Variants in CD38 observed in about 807,000 individuals in gnomAD.
CD38 encodes the protein ADP-ribosyl cyclase/cyclic ADP-ribose hydrolase 1.
Under a neutral mutation model 36.3 loss-of-function variants are expected in CD38, and 31 were observed. That is an observed-to-expected ratio of 0.85 (90% CI 0.64 to 1.15). CD38 has a LOEUF of 1.15. CD38 is among the 50% of genes most tolerant of loss of function. CD38 has a pLI of 0.00. For missense variants in CD38, 380 were observed against 371.9 expected (o/e 1.02, Z -0.18); for synonymous variants, 131 against 135.2 (o/e 0.97, Z 0.22).
chr4:15,848,178 T>C (rs6813018), intron 7 of CD38, among the ~76,000 whole-genome samples: 6,080 of 152,308 alleles, frequency 0.04, 391 homozygotes, highest in African/African-American at 0.13. Context: ...TAGGTACTTA[T>C]CTAAGGTTTG....
intron 1 of CD38, among the ~76,000 whole-genome samples, chr4:15,785,301 C>T (rs1722790993): frequency 6.6e-6 from 1 of 152,114 alleles, no homozygotes; most frequent in Non-Finnish European, 1.5e-5. Context: ...CTTCTTGAAG[C>T]AAAGGCTGTT....
chr4:15,835,813 G>A (rs1724057807), intron 4 of CD38, among the ~76,000 whole-genome samples: 1 of 152,150 alleles, frequency 6.6e-6, no homozygotes, highest in Non-Finnish European at 1.5e-5. Flanking sequence ...CACCTGGCCA[G>A]GAATACATTT....
chr4:15,823,591 C>T (rs1041940504), intron 2 of CD38, among the ~76,000 whole-genome samples: 1 of 152,208 alleles, frequency 6.6e-6, no homozygotes, highest in African/African-American at 2.4e-5. Flanking sequence ...CATCACTGGT[C>T]ATTAGAGAAA....
At chr4:15,787,078 G>A (rs541397863) in intron 1 of CD38, among the ~76,000 whole-genome samples, 39 of 152,210 alleles carry the variant, frequency 2.6e-4, no homozygotes, top group Non-Finnish European at 4.1e-4. Flanking sequence ...TGGCCCACGA[G>A]CGCCTCTCTC....
rs576691908 is a variant in CD38 at position 15,829,663 on chromosome 4, A to G, written c.500-4554A>G. ...AAAATTGTTATTGACTACAGTCACC[A>G]TACTGTGCTATCAAATAATAGGTCT... is the stretch of plus-strand genomic sequence containing the variant. On this transcript the variant is annotated intron_variant, in intron 3 of 7. Coordinates refer to ENST00000226279, the MANE Select transcript of CD38 (RefSeq NM_001775.4). Among the ~76,000 whole-genome samples the G allele has an allele frequency of 3.9e-5, 6 of 152,266 alleles. No homozygotes were observed. The South Asian group carries it at 1.2e-3, about 32-fold the overall frequency.
At chr4:15,805,606 T>C (rs1286738191) in intron 1 of CD38, among the ~76,000 whole-genome samples, 2 of 152,248 alleles carry the variant, frequency 1.3e-5, no homozygotes, top group African/African-American at 4.8e-5. Flanking sequence ...ACCTGTGTTT[T>C]GTTCACTGAT....
rs139855063 is a variant in CD38 at position 15,794,364 on chromosome 4, T to G, written c.233+15717T>G. The stretch of plus-strand genomic sequence containing the variant: ...CCCTGGCAGATAAGGGAGACTACTG[T>G]TTTAGTGGAGATGTTGACCAGAAGA... On this transcript the variant is annotated intron_variant, in intron 1 of 7. Coordinates refer to ENST00000226279, the MANE Select transcript of CD38 (RefSeq NM_001775.4). 3.5e-3 allele frequency among the ~76,000 whole-genome samples: 539 copies of G among 152,218 alleles called. 2 individuals are homozygous for G. The highest frequency in any genetic ancestry group is 0.012 in the African/African-American group (515 of 41,526).
At chr4:15,807,368 T>C (rs1389994456) in intron 1 of CD38, among the ~76,000 whole-genome samples, 1 of 152,154 alleles carries the variant, frequency 6.6e-6, no homozygotes, top group Non-Finnish European at 1.5e-5. Context: ...GATAAAAGGA[T>C]GTTTGGCTAT....
At position 15,848,744 on chromosome 4, in the gene CD38, T is replaced by A. The variant is rs532802770; in HGVS notation, c.*142T>A. 1.8e-6 allele frequency: 1 copy of A among 571,242 alleles called. No homozygotes were observed. The highest frequency in any genetic ancestry group is 1.9e-5 in the African/African-American group (1 of 53,912). The allele number at this position is 571,242 out of a possible 1,614,324, so 35.4% of individuals were successfully genotyped here. A position where few individuals can be genotyped will look rare whatever the true frequency, so the allele number is the denominator to read the frequency against. On this transcript the variant is annotated 3_prime_UTR_variant, in exon 8 of 8. Transcript: ENST00000226279. Reference sequence around the variant, plus strand: ...TCAATGCCAGAGACGGAAGCCTTTTTCCCCAAAGTCTTAAAATAACTTATA... The same window carrying A: ...TCAATGCCAGAGACGGAAGCCTTTTACCCCAAAGTCTTAAAATAACTTATA...
chr4:15,796,811 C>T (rs1468367290), intron 1 of CD38, among the ~76,000 whole-genome samples: 2 of 151,996 alleles, frequency 1.3e-5, no homozygotes, highest in African/African-American at 4.8e-5. Context: ...ATCAGTGTAG[C>T]TTTGTTTCAT....
At chr4:15,793,883 G>C (rs1723057487) in intron 1 of CD38, among the ~76,000 whole-genome samples, 1 of 152,230 alleles carries the variant, frequency 6.6e-6, no homozygotes, top group Non-Finnish European at 1.5e-5. Context: ...TTTTGGGGCA[G>C]AGGTACTGAA....
rs187138675 is a variant in CD38, at chr4:15,797,958, G to C, written c.234-18553G>C. Among the ~76,000 whole-genome samples the C allele has an allele frequency of 3.5e-4, 54 of 152,234 alleles. 1 individual carries two copies. Among genetic ancestry groups the C allele is most frequent in the Admixed American group, 2.0e-3 (30 of 15,288 alleles). On this transcript the variant is annotated intron_variant, in intron 1 of 7. Coordinates refer to ENST00000226279, the MANE Select transcript of CD38 (RefSeq NM_001775.4). ...GGTGTTAGGATTTCAACATCGTTTG[G>C]GGGGGTAAAATTCAATCAATAACAA... is the stretch of plus-strand genomic sequence containing the variant.
chr4:15,781,287 C>T (rs1029664149), intron 1 of CD38, among the ~76,000 whole-genome samples: 3 of 152,132 alleles, frequency 2.0e-5, no homozygotes, highest in Non-Finnish European at 2.9e-5. Flanking sequence ...TAACAATTTC[C>T]CCCAAGTCCA....
At chr4:15,826,222 A>C (rs937082688) in intron 3 of CD38, 2 of 152,178 alleles carry the variant, frequency 1.3e-5, no homozygotes, top group African/African-American at 4.8e-5. Context: ...TCAAAGGGTA[A>C]CTATTATCAG....
Position 15,838,117 on chromosome 4 carries a change from T to C in CD38, c.611T>C (p.Val204Ala). The C allele has an allele frequency of 6.2e-7, 1 of 1,613,836 alleles. No homozygotes were observed. Among genetic ancestry groups the C allele is most frequent in the Non-Finnish European group, 8.5e-7 (1 of 1,179,874 alleles). Residue 204 changes from valine (V) to alanine (A), a missense_variant, in exon 5 of 8, where the codon GTC (valine) becomes GCC (alanine). Coordinates refer to ENST00000226279, the MANE Select transcript of CD38 (RefSeq NM_001775.4). ...RRFAEAACDV[V>A]HVMLNGSRSK... ...TTTGCAGAAGCTGCCTGTGATGTGG[T>C]CCATGTGATGCTCAATGGATCCCGC...
intron 1 of CD38, among the ~76,000 whole-genome samples, chr4:15,805,253 C>T (rs778419453): frequency 1.4e-4 from 21 of 152,082 alleles, no homozygotes; most frequent in Non-Finnish European, 2.8e-4. Context: ...TAGTTAAGGT[C>T]CAGTTTGTTA....
chr4:15,806,506 G>T (rs749486658), intron 1 of CD38, among the ~76,000 whole-genome samples: 8 of 152,202 alleles, frequency 5.3e-5, no homozygotes, highest in Non-Finnish European at 1.2e-4. Context: ...ACTAGTATGA[G>T]ATTTAAATGG....
At chr4:15,800,689 T>A (rs995452568) in intron 1 of CD38, among the ~76,000 whole-genome samples, 4 of 152,028 alleles carry the variant, frequency 2.6e-5, no homozygotes, top group Admixed American at 1.3e-4. Flanking sequence ...AATGGGTCAA[T>A]GAAGAAATTA....
At chr4:15,790,911 T>G (rs1172247742) in intron 1 of CD38, among the ~76,000 whole-genome samples, 1 of 135,928 alleles carries the variant, frequency 7.4e-6, no homozygotes, top group East Asian at 2.4e-4. Context: ...GGCCGCCCCG[T>G]CTGAGAGGTG....
Sources: allele counts gnomAD v4.1 joint callset (sites outside exome capture counted in the v4.1 genomes callset), GRCh38; gene constraint gnomAD v4.1.1; transcripts MANE v1.5; gene names NCBI Gene and HGNC (gene_info 2026-07-23, HGNC 2026-07-21).